CDK6: variants seen among roughly 807,000 people sequenced by gnomAD.
CDK6 encodes the protein cyclin dependent kinase 6.
Under a neutral mutation model 37.1 loss-of-function variants are expected in CDK6, and 6 were observed. That is an observed-to-expected ratio of 0.16 (90% confidence interval 0.09 to 0.32). The LOEUF (loss-of-function observed/expected upper bound fraction) is 0.32. Ranked by LOEUF, CDK6 falls within the 10% of genes least tolerant of loss-of-function variation. The pLI, the probability that CDK6 is intolerant of heterozygous loss-of-function variation, is 1.00. For synonymous variants in CDK6, 160 were observed against 161.3 expected, an observed-to-expected ratio of 0.99 and a Z score of 0.06; for missense variants, 224 against 418.9, an observed-to-expected ratio of 0.53 and a Z score of 4.06.
chr7:92,744,748 G>A (rs1799014864), intron 3 of CDK6, among the ~76,000 whole-genome samples: 1 of 152,134 alleles, frequency 6.6e-6, no homozygotes, highest in Non-Finnish European at 1.5e-5. Flanking sequence ...ATTTCTCCAA[G>A]TAATGTTAAA....
chr7:92,778,985 AC>A (rs1799919872), intron 2 of CDK6, among the ~76,000 whole-genome samples: 1 of 146,732 alleles, frequency 6.8e-6, no homozygotes. Context: ...AAAAATTCTG[AC>A]GGGGGCATAA....
intron 2 of CDK6, among the ~76,000 whole-genome samples, chr7:92,815,222 TGA>T (rs1217506827): frequency 2.6e-5 from 4 of 151,756 alleles, no homozygotes; most frequent in African/African-American, 9.7e-5. Context: ...TTGTGACATT[TGA>T]GAGTTTTTCC....
intron 2 of CDK6, among the ~76,000 whole-genome samples, chr7:92,819,631 C>CA (rs1205618758): frequency 2.0e-5 from 3 of 151,438 alleles, no homozygotes; most frequent in Admixed American, 6.6e-5. Flanking sequence ...AAAAGTTAAC[C>CA]AAAAAAACTA....
chr7:92,672,180 CACAG>C (rs1281709394), intron 4 of CDK6, among the ~76,000 whole-genome samples: 27 of 98,986 alleles, frequency 2.7e-4, no homozygotes, highest in African/African-American at 1.1e-3. Context: ...CACACACACA[CACAG>C]ACACATACAC....
At chr7:92,691,852 G>A (rs757713263) in intron 4 of CDK6, among the ~76,000 whole-genome samples, 18 of 152,208 alleles carry the variant, frequency 1.2e-4, no homozygotes, top group Non-Finnish European at 2.1e-4. Context: ...TACTTTAACT[G>A]TACTTTTAAA....
chr7:92,695,009 T>C lies in CDK6; in HGVS notation c.538-23474A>G, dbSNP rs146231572. The stretch of plus-strand genomic sequence containing the variant: ...AACCTCCTACGACATATTAAAAAGT[T>C]TGGGAGGGAGAAATTTAAGCTACAC... On this transcript the variant is annotated intron_variant, in intron 4 of 7. Transcript: ENST00000424848. Among the ~76,000 whole-genome samples, 197 of 151,876 alleles carry C rather than the reference T, an allele frequency of 1.3e-3. 1 individual carries two copies. The highest frequency in any genetic ancestry group is 4.3e-3 in the African/African-American group (178 of 41,500).
intron 4 of CDK6, among the ~76,000 whole-genome samples, chr7:92,717,540 A>C (rs922813842): frequency 2.0e-5 from 3 of 152,104 alleles, no homozygotes; most frequent in Non-Finnish European, 4.4e-5. Context: ...GAAAGAAAGA[A>C]AGACAGACAA....
intron 2 of CDK6, among the ~76,000 whole-genome samples, chr7:92,809,269 T>A (rs929495190): frequency 2.6e-5 from 4 of 152,168 alleles, no homozygotes; most frequent in African/African-American, 9.7e-5. Flanking sequence ...TCCTGGAACT[T>A]TCAATGTTTT....
intron 4 of CDK6, chr7:92,710,906 A>G: frequency 1.0e-6 from 1 of 963,250 alleles, no homozygotes; most frequent in Non-Finnish European, 1.2e-6. Flanking sequence ...CTGAAGTCAG[A>G]ACATGCTGGA....
chr7:92,823,177 T>C (rs1562975962), intron 2 of CDK6, among the ~76,000 whole-genome samples: 1 of 151,640 alleles, frequency 6.6e-6, no homozygotes, highest in Non-Finnish European at 1.5e-5. Flanking sequence ...CTAGTTTTTC[T>C]AGGATTGGAT....
intron 5 of CDK6, among the ~76,000 whole-genome samples, chr7:92,643,026 C>T (rs1796349522): frequency 6.6e-6 from 1 of 151,978 alleles, no homozygotes; most frequent in South Asian, 2.1e-4. Flanking sequence ...TCCAAGGTAG[C>T]TGGGACTATA....
Position 92,743,423 on chromosome 7 carries a change from TA to T in CDK6, c.370-17631del, listed in dbSNP as rs112929160. Among the ~76,000 whole-genome samples the T allele has an allele frequency of 1.5e-3, 222 of 149,338 alleles. 1 individual carries two copies. The highest frequency in any genetic ancestry group is 4.9e-3 in the African/African-American group (202 of 40,906). On this transcript the variant is annotated intron_variant, in intron 3 of 7. Coordinates refer to ENST00000424848, the MANE Select transcript of CDK6 (RefSeq NM_001145306.2). ...AAATAAAAATAAATAAAAATAATAA[TA>T]AAAAAAGAACTCCAGCAACTCAATT...
chr7:92,777,943 T>C (rs1775551925), intron 2 of CDK6, among the ~76,000 whole-genome samples: 1 of 152,164 alleles, frequency 6.6e-6, no homozygotes, highest in Admixed American at 6.5e-5. Flanking sequence ...AAAGAGGTCC[T>C]TCACATCCCT....
chr7:92,762,646 C>G (rs1206246920), intron 3 of CDK6, among the ~76,000 whole-genome samples: 1 of 151,668 alleles, frequency 6.6e-6, no homozygotes, highest in Non-Finnish European at 1.5e-5. Context: ...CGGCTCACTG[C>G]AACCTCTGCC....
At chr7:92,766,962 C>A (rs892658375) in intron 3 of CDK6, among the ~76,000 whole-genome samples, 2 of 152,010 alleles carry the variant, frequency 1.3e-5, no homozygotes, top group Non-Finnish European at 2.9e-5. Context: ...TTCCTATCCC[C>A]CTACCACCAC....
intron 2 of CDK6, among the ~76,000 whole-genome samples, chr7:92,789,073 C>CTA (rs1376702383): frequency 6.6e-6 from 1 of 152,126 alleles, no homozygotes; most frequent in East Asian, 1.9e-4. Context: ...CTACAGTGAA[C>CTA]TATGACTGCA....
chr7:92,821,161 A>C (rs954488567), intron 2 of CDK6, among the ~76,000 whole-genome samples: 1 of 152,058 alleles, frequency 6.6e-6, no homozygotes, highest in African/African-American at 2.4e-5. Flanking sequence ...AACTATTCTG[A>C]AGCTTTGATG....
chr7:92,666,759 C>T (rs1046512446), intron 5 of CDK6, among the ~76,000 whole-genome samples: 15 of 152,106 alleles, frequency 9.9e-5, no homozygotes, highest in Admixed American at 9.8e-4. Flanking sequence ...ATTGCGCTGC[C>T]AGTCATATTA....
intron 2 of CDK6, among the ~76,000 whole-genome samples, chr7:92,813,025 A>G (rs922785865): frequency 4.6e-5 from 7 of 152,222 alleles, no homozygotes; most frequent in African/African-American, 1.7e-4. Context: ...AGTTACAACT[A>G]AATTCCCAGC....
Sources: gnomAD v4.1 joint callset for allele counts (sites outside exome capture counted in the v4.1 genomes callset) on GRCh38, gnomAD v4.1.1 for gene constraint, MANE v1.5 for transcripts, NCBI Gene and HGNC (gene_info 2026-07-23, HGNC 2026-07-21) for gene names.